The following JMJD1C variants were observed in gnomAD, a reference collection of about 807,000 sequenced individuals.
JMJD1C encodes jumonji domain-containing protein 1C.
A neutral mutation model predicts 245.3 loss-of-function variants in JMJD1C; 31 were observed. That is an observed-to-expected ratio of 0.13 (90% CI 0.09 to 0.17). The LOEUF (loss-of-function observed/expected upper bound fraction) is 0.17. Ranked by LOEUF, JMJD1C falls within the 10% of genes least tolerant of loss-of-function variation. The pLI, the probability that JMJD1C is intolerant of heterozygous loss-of-function variation, is 1.00. For missense variants in JMJD1C, 2,691 were observed against 3,000.2 expected (o/e 0.90, Z 2.41); for synonymous variants, 1,057 against 1,017.4 (o/e 1.04, Z -0.74).
chr10:63,191,476 A>G (rs748021546), intron 16 of JMJD1C, among the ~76,000 whole-genome samples: 2 of 152,180 alleles, frequency 1.3e-5, no homozygotes, highest in Non-Finnish European at 2.9e-5. Flanking sequence ...TAAAGTACAG[A>G]CAAAACTGGC....
chr10:63,431,136 C>T (rs1226853814), intron 1 of JMJD1C, among the ~76,000 whole-genome samples: 1 of 152,120 alleles, frequency 6.6e-6, no homozygotes. Flanking sequence ...ACTTTATAAC[C>T]AAGTATATCT....
intron 2 of JMJD1C, among the ~76,000 whole-genome samples, chr10:63,375,234 T>C (rs923053591): frequency 3.0e-5 from 4 of 134,118 alleles, no homozygotes; most frequent in Non-Finnish European, 6.2e-5. Flanking sequence ...TCACCCAGGC[T>C]GGAGTGCCCT....
intron 21 of JMJD1C, 84 bp from the exon 22 acceptor site, chr10:63,183,653 T>G (rs1294327257): frequency 9.3e-6 from 7 of 750,918 alleles, no homozygotes; most frequent in Non-Finnish European, 1.4e-5. Flanking sequence ...ATTAGCTCGA[T>G]CTGCATAATT....
At chr10:63,239,012 C>A (rs4439410) in intron 3 of JMJD1C, among the ~76,000 whole-genome samples, 1 of 152,042 alleles carries the variant, frequency 6.6e-6, no homozygotes, top group African/African-American at 2.4e-5. Context: ...AATGGGTTGG[C>A]GGGTGACCTA....
Position 63,176,522 on chromosome 10 carries a change from A to G in JMJD1C, c.7225-49T>C. On this transcript the variant is annotated intron_variant, in intron 23 of 25. Transcript: ENST00000399262. ...ACTCCAATTTAAGTAAGGAAATGGT[A>G]AATCCTGTTCAGTTAAATTTCAATT... 3 of 1,393,880 alleles carry G rather than the reference A, an allele frequency of 2.2e-6. No individual in the cohort carries two copies. The East Asian group carries it at 6.9e-5, about 32-fold the overall frequency. 86.3% of individuals were successfully genotyped at this position (1,393,880 alleles called of 1,614,324 possible).
chr10:63,309,211 C>T (rs1229337504), intron 2 of JMJD1C, among the ~76,000 whole-genome samples: 1 of 151,910 alleles, frequency 6.6e-6, no homozygotes, highest in Non-Finnish European at 1.5e-5. Context: ...GGAATAAAGT[C>T]GCTGGGCACG....
Position 63,518,358 on chromosome 10 carries a change from A to T in JMJD1C, n.113+3380T>A, listed in dbSNP as rs530421944. On this transcript the variant is annotated intron_variant and non_coding_transcript_variant, in intron 1 of 3. Coordinates refer to the JMJD1C transcript ENST00000633035. ...CCTGAAACAAAATAACAATATTCCT[A>T]CAATTTCAAACAAATCCATATACCC... Among the ~76,000 whole-genome samples, 6 of 152,342 alleles carry T rather than the reference A, an allele frequency of 3.9e-5. No individual in the cohort carries two copies. The South Asian group carries it at 8.3e-4, about 21-fold the overall frequency.
intron 1 of JMJD1C, among the ~76,000 whole-genome samples, chr10:63,453,790 G>A (rs1374021694): frequency 6.6e-6 from 1 of 152,128 alleles, no homozygotes; most frequent in African/African-American, 2.4e-5. Context: ...CCAGGTTGAA[G>A]GACAGTAGCG....
intron 2 of JMJD1C, among the ~76,000 whole-genome samples, chr10:63,314,136 G>A (rs1250608215): frequency 6.6e-6 from 1 of 152,174 alleles, no homozygotes; most frequent in Non-Finnish European, 1.5e-5. Flanking sequence ...TCTTCTACAT[G>A]TGACTTGCCA....
chr10:63,508,369 C>T (rs1408297246), intron 1 of JMJD1C, among the ~76,000 whole-genome samples: 2 of 152,192 alleles, frequency 1.3e-5, no homozygotes, highest in African/African-American at 4.8e-5. Context: ...GCCATACTGT[C>T]TTGATAACTG....
Position 63,402,555 on chromosome 10 carries a change from T to C in JMJD1C, c.169-22073A>G, listed in dbSNP as rs1468810295. ...CTGTTTTCTTCATGCCACTTTGGGA[T>C]AGAAAAATGTGATAATAAACCAACA... On this transcript the variant is annotated intron_variant, in intron 1 of 25. Transcript: ENST00000399262. 2.6e-5 allele frequency among the ~76,000 whole-genome samples: 4 copies of C among 152,266 alleles called. No homozygotes were observed. The East Asian group carries it at 7.7e-4, about 29-fold the overall frequency.
chr10:63,394,096 A>T (rs1437121314), intron 1 of JMJD1C, among the ~76,000 whole-genome samples: 1 of 151,908 alleles, frequency 6.6e-6, no homozygotes, highest in Non-Finnish European at 1.5e-5. Flanking sequence ...CTGATGAAGG[A>T]CAATCGCTTG....
Position 63,387,629 on chromosome 10 carries a change from A to ATTTTTTTTTTTTTTTTTTT in JMJD1C, c.169-7166_169-7148dup. Among the ~76,000 whole-genome samples, 54 of 37,866 alleles carry ATTTTTTTTTTTTTTTTTTT rather than the reference A, an allele frequency of 1.4e-3. 8 individuals are homozygous for ATTTTTTTTTTTTTTTTTTT. Among genetic ancestry groups the ATTTTTTTTTTTTTTTTTTT allele is most frequent in the African/African-American group, 5.5e-3 (46 of 8,304 alleles). The allele number at this position is 37,866 out of a possible 152,430, so 24.8% of individuals were successfully genotyped here. ...AGTCAGAAGAAAAAAGAAAAAAAAA[A>ATTTTTTTTTTTTTTTTTTT]TTTTTTTTTTTTTTTTTTTTTTTTG... On this transcript the variant is annotated intron_variant, in intron 1 of 25. Coordinates refer to ENST00000399262, the MANE Select transcript of JMJD1C (RefSeq NM_032776.3).
chr10:63,168,935 A>G (rs969730036), intron 24 of JMJD1C, among the ~76,000 whole-genome samples: 2 of 152,190 alleles, frequency 1.3e-5, no homozygotes, highest in East Asian at 1.9e-4. Flanking sequence ...CTATCTGAGT[A>G]TGTTTATTGT....
intron 1 of JMJD1C, among the ~76,000 whole-genome samples, chr10:63,437,703 T>C (rs1951135340): frequency 6.6e-6 from 1 of 152,220 alleles, no homozygotes; most frequent in African/African-American, 2.4e-5. Flanking sequence ...AGTTCTCTAG[T>C]AAACTCACTT....
At chr10:63,324,046 T>TG (rs1220259396) in intron 2 of JMJD1C, among the ~76,000 whole-genome samples, 1 of 151,000 alleles carries the variant, frequency 6.6e-6, no homozygotes, top group Non-Finnish European at 1.5e-5. Flanking sequence ...TGCCTTTTTT[T>TG]TTTTTTTTTT....
intron 2 of JMJD1C, among the ~76,000 whole-genome samples, chr10:63,349,285 G>A (rs1361107695): frequency 6.6e-6 from 1 of 152,022 alleles, no homozygotes; most frequent in African/African-American, 2.4e-5. Flanking sequence ...AAATTACCCA[G>A]TCTCAGGTAT....
chr10:63,404,232 T>C (rs911535043), intron 1 of JMJD1C, among the ~76,000 whole-genome samples: 2 of 152,122 alleles, frequency 1.3e-5, no homozygotes, highest in African/African-American at 2.4e-5. Context: ...TAAGGACACA[T>C]AAAATGCAGT....
intron 10 of JMJD1C, among the ~76,000 whole-genome samples, chr10:63,201,966 C>T (rs1398191217): frequency 2.0e-5 from 3 of 151,258 alleles, no homozygotes; most frequent in East Asian, 1.9e-4. Flanking sequence ...AAAAAGCAAG[C>T]TATGTTGGGG....
Sources: gnomAD v4.1 joint callset for allele counts (sites outside exome capture counted in the v4.1 genomes callset) on GRCh38, gnomAD v4.1.1 for gene constraint, MANE v1.5 for transcripts, NCBI Gene and HGNC (gene_info 2026-07-23, HGNC 2026-07-21) for gene names.